SMOC2: variants seen among roughly 807,000 people sequenced by gnomAD.
SMOC2 encodes SPARC-related modular calcium-binding protein 2.
Under a neutral mutation model 61.4 loss-of-function variants are expected in SMOC2, and 39 were observed. The observed-to-expected ratio is 0.64, with a 90% CI of 0.49 to 0.83. The LOEUF (loss-of-function observed/expected upper bound fraction) is 0.83. SMOC2 is among the 40% of genes least tolerant of loss of function. The pLI is 0.00. For missense variants in SMOC2, 556 were observed against 592.9 expected (o/e 0.94, Z 0.65); for synonymous variants, 247 against 239.9 (o/e 1.03, Z -0.27).
At chr6:168,601,411 G>A (rs1299058325) in intron 8 of SMOC2, among the ~76,000 whole-genome samples, 1 of 152,258 alleles carries the variant, frequency 6.6e-6, no homozygotes, top group African/African-American at 2.4e-5. Flanking sequence ...TGGCTTCTGC[G>A]GGGCTGATAT....
intron 4 of SMOC2, among the ~76,000 whole-genome samples, chr6:168,542,511 C>T (rs143042982): frequency 2.0e-5 from 3 of 152,262 alleles, no homozygotes; most frequent in African/African-American, 4.8e-5. Context: ...AGAACATTCC[C>T]GTGTAAATCC....
chr6:168,526,529 A>C, intron 3 of SMOC2, 77 bp downstream of exon 3: 1 of 1,190,002 alleles, frequency 8.4e-7, no homozygotes, highest in Non-Finnish European at 1.2e-6. Flanking sequence ...GGGAGAAGGC[A>C]GGTGGGGGGA....
At position 168,618,267 on chromosome 6, in the gene SMOC2, A is replaced by C. The variant is rs560608870; in HGVS notation, c.907+10028A>C. ...CCGATCATGATTAGTAACAACACAC[A>C]GCTTGCAATTCACTGGGCATCCAAT... is the stretch of plus-strand genomic sequence containing the variant. On this transcript the variant is annotated intron_variant, in intron 9 of 12. Coordinates refer to ENST00000356284, the MANE Select transcript of SMOC2 (RefSeq NM_001166412.2). Among the ~76,000 whole-genome samples the C allele has an allele frequency of 2.6e-5, 4 of 152,356 alleles. No individual in the cohort carries two copies. In the East Asian group the frequency reaches 7.7e-4, roughly 29 times the overall value.
At chr6:168,499,830 A>T (rs533773676) in intron 1 of SMOC2, among the ~76,000 whole-genome samples, 1 of 152,244 alleles carries the variant, frequency 6.6e-6, no homozygotes, top group Non-Finnish European at 1.5e-5. Context: ...CAGCAGTGCA[A>T]TCAGGAAGGA....
At chr6:168,559,869 G>A (rs796663993) in intron 7 of SMOC2, among the ~76,000 whole-genome samples, 20 of 152,296 alleles carry the variant, frequency 1.3e-4, no homozygotes, top group African/African-American at 4.8e-4. Context: ...ATCTTTCTCT[G>A]TAGTCACCCT....
At chr6:168,462,873 G>C (rs983683040) in intron 1 of SMOC2, among the ~76,000 whole-genome samples, 1 of 152,162 alleles carries the variant, frequency 6.6e-6, no homozygotes, top group Admixed American at 6.5e-5. Context: ...GCAGAGCGGA[G>C]CCTTGGGAAG....
intron 1 of SMOC2, among the ~76,000 whole-genome samples, chr6:168,494,900 G>A (rs1782551052): frequency 6.6e-6 from 1 of 152,234 alleles, no homozygotes; most frequent in African/African-American, 2.4e-5. Flanking sequence ...CATCCTGGCT[G>A]AGGCCTCCCT....
intron 4 of SMOC2, among the ~76,000 whole-genome samples, chr6:168,536,389 G>T (rs114923802): frequency 6.6e-6 from 1 of 152,248 alleles, no homozygotes; most frequent in African/African-American, 2.4e-5. Context: ...CTTGGGAGCA[G>T]TGCCTTCAGA....
In SMOC2 at chr6:168,536,471, G is replaced by A. The variant is rs145559489; in HGVS notation, c.464-7154G>A. On this transcript the variant is annotated intron_variant, in intron 4 of 12. Coordinates refer to ENST00000356284, the MANE Select transcript of SMOC2 (RefSeq NM_001166412.2). ...CGGTGCCTGTGACTCTGAATGTCCC[G>A]CATGGGCCAGGGGGTGAAGCTCAGC... is the stretch of plus-strand genomic sequence containing the variant. 6.1e-3 allele frequency among the ~76,000 whole-genome samples: 926 copies of A among 152,252 alleles called. 5 individuals carry two copies. The highest frequency in any genetic ancestry group is 0.01 in the Admixed American group (158 of 15,310).
At position 168,660,833 on chromosome 6, in the gene SMOC2, A is replaced by G. The variant is rs140155991; in HGVS notation, c.1286-3241A>G. On this transcript the variant is annotated intron_variant, in intron 11 of 12. Coordinates refer to ENST00000356284, the MANE Select transcript of SMOC2 (RefSeq NM_001166412.2). ...CTTAGCCCCTGGCGAGGAAGAATGG[A>G]TGGATTTTGGAGCACAGCGCGATCT... Among the ~76,000 whole-genome samples, 456 of 152,324 alleles carry G rather than the reference A, an allele frequency of 3.0e-3. 3 individuals are homozygous for G. Among genetic ancestry groups the G allele is most frequent in the Non-Finnish European group, 4.7e-3 (321 of 68,012 alleles).
chr6:168,645,606 A>T (rs535708965), intron 9 of SMOC2, among the ~76,000 whole-genome samples: 1 of 152,176 alleles, frequency 6.6e-6, no homozygotes, highest in Non-Finnish European at 1.5e-5. Flanking sequence ...CCCAACCCAC[A>T]TGTGACAGCC....
rs149713093 is a variant in SMOC2, at chr6:168,647,483, G to T, written c.908-3198G>T. Among the ~76,000 whole-genome samples the T allele has an allele frequency of 1.2e-4, 18 of 152,196 alleles. No individual in the cohort carries two copies. In the South Asian group the frequency reaches 2.1e-3, roughly 18 times the overall value. On this transcript the variant is annotated intron_variant, in intron 9 of 12. Coordinates refer to ENST00000356284, the MANE Select transcript of SMOC2 (RefSeq NM_001166412.2). Reference sequence around the variant, plus strand: ...CAGCAAGGGTTGGCAGGGGGCCAGCGCCCCTGCGAGGGACGAGGGTCTCTG... The same window carrying T: ...CAGCAAGGGTTGGCAGGGGGCCAGCTCCCCTGCGAGGGACGAGGGTCTCTG...
chr6:168,595,163 C>G (rs1404014237), intron 7 of SMOC2, among the ~76,000 whole-genome samples: 77 of 125,964 alleles, frequency 6.1e-4, no homozygotes, highest in African/African-American at 2.3e-3. Flanking sequence ...TCTAGAGGAT[C>G]GCCGAGCTCC....
At chr6:168,524,579 T>G (rs1783410170) in intron 2 of SMOC2, among the ~76,000 whole-genome samples, 1 of 152,246 alleles carries the variant, frequency 6.6e-6, no homozygotes, top group Non-Finnish European at 1.5e-5. Flanking sequence ...CATCTGTACC[T>G]CGTGGAGACC....
intron 7 of SMOC2, among the ~76,000 whole-genome samples, chr6:168,578,747 T>G (rs1253767647): frequency 2.6e-5 from 4 of 152,264 alleles, no homozygotes; most frequent in African/African-American, 9.6e-5. Context: ...ATGAATTTGC[T>G]GAGTTCTGGC....
At chr6:168,526,013 A>G (rs1195584374) in intron 2 of SMOC2, among the ~76,000 whole-genome samples, 1 of 151,964 alleles carries the variant, frequency 6.6e-6, no homozygotes, top group East Asian at 1.9e-4. Flanking sequence ...GCGTTTCCCC[A>G]TTTTCAGGAA....
intron 7 of SMOC2, among the ~76,000 whole-genome samples, chr6:168,552,552 C>T (rs144338188): frequency 1.9e-3 from 282 of 152,116 alleles, no homozygotes; most frequent in African/African-American, 5.8e-3. Context: ...CTTTTGTTCC[C>T]GCAGACATAG....
At chr6:168,607,116 G>C (rs1785715495) in intron 8 of SMOC2, among the ~76,000 whole-genome samples, 1 of 152,048 alleles carries the variant, frequency 6.6e-6, no homozygotes, top group African/African-American at 2.4e-5. Flanking sequence ...CTTCATGCTG[G>C]TGAGAAGCCC....
chr6:168,647,379 G>GC (rs1787062952), intron 9 of SMOC2, among the ~76,000 whole-genome samples: 1 of 152,220 alleles, frequency 6.6e-6, no homozygotes, highest in African/African-American at 2.4e-5. Flanking sequence ...TCAGCGGGCA[G>GC]CTTCCCCAGC....
Sources: gnomAD v4.1 joint callset for allele counts (sites outside exome capture counted in the v4.1 genomes callset) on GRCh38, gnomAD v4.1.1 for gene constraint, MANE v1.5 for transcripts, NCBI Gene and HGNC (gene_info 2026-07-23, HGNC 2026-07-21) for gene names.